RNF217: variants seen among roughly 807,000 people sequenced by gnomAD.
RNF217 encodes ring finger protein 217.
Under a neutral mutation model 57.8 loss-of-function variants are expected in RNF217, and 31 were observed. The observed-to-expected ratio is 0.54, with a 90% CI of 0.40 to 0.72. RNF217 has a LOEUF of 0.72. RNF217 is among the 30% of genes least tolerant of loss of function. The pLI is 0.00. For synonymous variants in RNF217, 313 were observed against 294.0 expected, an observed-to-expected ratio of 1.06 and a Z score of -0.66; for missense variants, 696 against 708.3, an observed-to-expected ratio of 0.98 and a Z score of 0.20.
intron 2 of RNF217, among the ~76,000 whole-genome samples, chr6:125,055,026 T>C (rs1201611134): frequency 1.3e-5 from 2 of 152,130 alleles, no homozygotes; most frequent in African/African-American, 4.8e-5. Context: ...GATGCAGTGT[T>C]GATGTCTGTA....
intron 1 of RNF217, among the ~76,000 whole-genome samples, chr6:125,030,061 G>A (rs1242353709): frequency 6.6e-6 from 1 of 152,124 alleles, no homozygotes; most frequent in Non-Finnish European, 1.5e-5. Flanking sequence ...CATGGCAGCA[G>A]CAAGAGAAAA....
chr6:125,041,328 A>C (rs1028054906), intron 1 of RNF217, among the ~76,000 whole-genome samples: 1 of 152,130 alleles, frequency 6.6e-6, no homozygotes, highest in Non-Finnish European at 1.5e-5. Context: ...CATTGAATCC[A>C]GACTTCCAGA....
At chr6:125,069,029 G>A (rs896472457) in intron 3 of RNF217, among the ~76,000 whole-genome samples, 1 of 152,080 alleles carries the variant, frequency 6.6e-6, no homozygotes, top group African/African-American at 2.4e-5. Context: ...AAGTGGTGTG[G>A]TAAAGAAGAA....
intron 2 of RNF217, among the ~76,000 whole-genome samples, chr6:125,052,001 A>G (rs1461564535): frequency 6.6e-6 from 1 of 152,048 alleles, no homozygotes; most frequent in East Asian, 1.9e-4. Context: ...TAAATGCTGA[A>G]GGTGTTTCCA....
At chr6:125,032,513 A>C (rs1562477794) in intron 1 of RNF217, among the ~76,000 whole-genome samples, 1 of 151,930 alleles carries the variant, frequency 6.6e-6, no homozygotes, top group Non-Finnish European at 1.5e-5. Context: ...TCAAGTAAAG[A>C]AAGCTAGGTG....
intron 5 of RNF217, 93 bp from the exon 6 acceptor site, chr6:125,082,771 C>G: frequency 8.8e-7 from 1 of 1,129,996 alleles, no homozygotes; most frequent in South Asian, 1.3e-5. Flanking sequence ...TTTGTATGTT[C>G]GTACACTGCA....
At chr6:124,994,161 T>C (rs1784663636) in intron 1 of RNF217, among the ~76,000 whole-genome samples, 1 of 152,186 alleles carries the variant, frequency 6.6e-6, no homozygotes, top group Non-Finnish European at 1.5e-5. Flanking sequence ...GATGTGTGTG[T>C]ATCTTTTTGT....
intron 1 of RNF217, among the ~76,000 whole-genome samples, chr6:125,022,511 A>G (rs746456248): frequency 9.9e-5 from 15 of 152,194 alleles, no homozygotes; most frequent in Admixed American, 2.6e-4. Context: ...TTTTCTTTCA[A>G]TTAGCACATT....
intron 4 of RNF217, among the ~76,000 whole-genome samples, chr6:125,078,445 G>A (rs1326460008): frequency 6.6e-6 from 1 of 152,124 alleles, no homozygotes; most frequent in Non-Finnish European, 1.5e-5. Context: ...TTTGGCTCAT[G>A]GTTCTGGAGG....
At chr6:125,021,652 T>A (rs1785844432) in intron 1 of RNF217, among the ~76,000 whole-genome samples, 1 of 152,186 alleles carries the variant, frequency 6.6e-6, no homozygotes, top group Non-Finnish European at 1.5e-5. Flanking sequence ...CTACAAGGAC[T>A]TATATGAAAA....
In RNF217 at chr6:125,087,660, A is replaced by G. The variant is rs114084797; in HGVS notation, c.*4723A>G. On this transcript the variant is annotated 3_prime_UTR_variant, in exon 6 of 6. Transcript: ENST00000521654. ...GTGTCATCTCTTTAAATTTGGGAGG[A>G]ATCAGAAGCTAAAGATTTAAAACAA... is the stretch of plus-strand genomic sequence containing the variant. 4.9e-4 allele frequency: 74 copies of G among 152,238 alleles called. No homozygotes were observed. Among genetic ancestry groups the G allele is most frequent in the African/African-American group, 1.8e-3 (73 of 41,558 alleles). The allele number at this position is 152,238 out of a possible 1,614,324, so 9.4% of individuals were successfully genotyped here. A position where few individuals can be genotyped will look rare whatever the true frequency, so the allele number is the denominator to read the frequency against.
chr6:125,019,873 A>G (rs909979937), intron 1 of RNF217, among the ~76,000 whole-genome samples: 2 of 151,548 alleles, frequency 1.3e-5, no homozygotes, highest in African/African-American at 4.9e-5. Context: ...AATAATTTAT[A>G]TTAAAATAAC....
chr6:125,021,368 G>C (rs543337885), intron 1 of RNF217, among the ~76,000 whole-genome samples: 1 of 151,112 alleles, frequency 6.6e-6, no homozygotes, highest in South Asian at 2.1e-4. Flanking sequence ...CCGGATTCAA[G>C]CAATTCTCTG....
At chr6:124,991,357 T>C (rs1020521037) in intron 1 of RNF217, among the ~76,000 whole-genome samples, 3 of 152,218 alleles carry the variant, frequency 2.0e-5, no homozygotes, top group African/African-American at 7.2e-5. Flanking sequence ...TCTTAATCTG[T>C]TTCCAGTCTG....
intron 2 of RNF217, among the ~76,000 whole-genome samples, chr6:125,054,388 GC>G (rs768698680): frequency 1.3e-5 from 2 of 152,162 alleles, no homozygotes; most frequent in Non-Finnish European, 2.9e-5. Context: ...GCCCAGGCAG[GC>G]CTCATAGAGA....
At chr6:125,034,947 C>G (rs576943537) in intron 1 of RNF217, among the ~76,000 whole-genome samples, 235 of 152,184 alleles carry the variant, frequency 1.5e-3, no homozygotes, top group African/African-American at 5.3e-3. Flanking sequence ...ATATTTTATT[C>G]TCTTTGAAGC....
intron 1 of RNF217, chr6:125,009,182 C>G: frequency 6.4e-7 from 1 of 1,556,804 alleles, no homozygotes; most frequent in Non-Finnish European, 8.7e-7. Flanking sequence ...AGGTCCATTG[C>G]CAGCACTTGA....
chr6:125,073,012 G>A (rs79942604), intron 3 of RNF217, among the ~76,000 whole-genome samples: 2,192 of 152,258 alleles, frequency 0.014, 58 homozygotes, highest in African/African-American at 0.05. Flanking sequence ...TAGGCTCTAC[G>A]CAAAAATTAG....
At position 125,082,786 on chromosome 6, in the gene RNF217, AATAAAC is replaced by A. The variant is rs1361508315; in HGVS notation, c.1556-74_1556-69del. The A allele has an allele frequency of 9.1e-6, 11 of 1,209,890 alleles. No homozygotes were observed. The African/African-American group carries it at 1.4e-4, about 15-fold the overall frequency. 74.9% of individuals were successfully genotyped at this position (1,209,890 alleles called of 1,614,324 possible). ...TTTGTATGTTCGTACACTGCAAATAAATAAACATAGACATTTTAAAATAGGAAAACC... is the reference window on the plus strand; with the variant it reads ...TTTGTATGTTCGTACACTGCAAATAAATAGACATTTTAAAATAGGAAAACC... On this transcript the variant is annotated intron_variant, in intron 5 of 5. Transcript: ENST00000521654.
Sources: gnomAD v4.1 joint callset for allele counts (sites outside exome capture counted in the v4.1 genomes callset) on GRCh38, gnomAD v4.1.1 for gene constraint, MANE v1.5 for transcripts, NCBI Gene and HGNC (gene_info 2026-07-23, HGNC 2026-07-21) for gene names.